The following KLHL18 variants were observed in gnomAD, a reference collection of about 807,000 sequenced individuals.
KLHL18 encodes kelch-like protein 18.
Under a neutral mutation model 58.5 loss-of-function variants are expected in KLHL18, and 38 were observed. The observed-to-expected ratio is 0.65, with a 90% CI of 0.50 to 0.85. KLHL18 has a LOEUF of 0.85. Among genes scored for constraint, KLHL18 ranks in the 40% least tolerant of loss-of-function variants. KLHL18 has a pLI of 0.00. For synonymous variants in KLHL18, 303 were observed against 301.9 expected (o/e 1.00, Z -0.04); for missense variants, 624 against 778.4 (o/e 0.80, Z 2.36).
At chr3:47,328,129 C>T (rs1703768234) in intron 3 of KLHL18, among the ~76,000 whole-genome samples, 1 of 152,044 alleles carries the variant, frequency 6.6e-6, no homozygotes, top group Admixed American at 6.5e-5. Context: ...CTTTGGGAGG[C>T]CAAGGCAGGA....
At chr3:47,326,290 G>A (rs1703719719) in intron 3 of KLHL18, among the ~76,000 whole-genome samples, 1 of 152,122 alleles carries the variant, frequency 6.6e-6, no homozygotes, top group Admixed American at 6.5e-5. Flanking sequence ...AGGTAGATTG[G>A]TACACCAAAT....
intron 1 of KLHL18, among the ~76,000 whole-genome samples, chr3:47,312,244 T>G (rs1047828857): frequency 6.6e-6 from 1 of 151,818 alleles, no homozygotes; most frequent in Non-Finnish European, 1.5e-5. Context: ...ATAGCTATTT[T>G]AGTGTAGAGT....
intron 1 of KLHL18, among the ~76,000 whole-genome samples, chr3:47,309,659 T>C (rs1576153843): frequency 6.6e-6 from 1 of 151,000 alleles, no homozygotes; most frequent in South Asian, 2.1e-4. Flanking sequence ...GGCTGGGAGG[T>C]GGAGGTTGTA....
In KLHL18 at chr3:47,340,557, CTCTG is replaced by C; in HGVS notation, c.1122-9_1122-6del. The C allele has an allele frequency of 6.2e-7, 1 of 1,613,914 alleles. No individual in the cohort carries two copies. The highest frequency in any genetic ancestry group is 8.5e-7 in the Non-Finnish European group (1 of 1,179,900). Reference sequence around the variant, plus strand: ...GGCTGCGGCTCATCTGGGATGACAGCTCTGTCTGTTTCAGTGCCATGGGGACAGT... The same window carrying C: ...GGCTGCGGCTCATCTGGGATGACAGCTCTGTTTCAGTGCCATGGGGACAGT... On this transcript the variant is annotated splice_polypyrimidine_tract_variant and intron_variant, in intron 7 of 9. Coordinates refer to ENST00000232766, the MANE Select transcript of KLHL18 (RefSeq NM_025010.5).
At chr3:47,297,777 C>T (rs909464190) in intron 1 of KLHL18, 6 of 385,490 alleles carry the variant, frequency 1.6e-5, no homozygotes, top group Admixed American at 9.5e-5. Flanking sequence ...GTATGAGGCA[C>T]TGTGTTAAGT....
intron 1 of KLHL18, among the ~76,000 whole-genome samples, chr3:47,293,240 C>G (rs1275517646): frequency 3.3e-5 from 5 of 152,168 alleles, no homozygotes; most frequent in Admixed American, 2.0e-4. Flanking sequence ...TGCCACAGAA[C>G]TGTACACTTG....
At chr3:47,316,512 C>T (rs62248941) in intron 1 of KLHL18, among the ~76,000 whole-genome samples, 1 of 3,560 alleles carries the variant, frequency 2.8e-4, no homozygotes, top group African/African-American at 3.1e-4. Flanking sequence ...TATATATATA[C>T]ATATATACAT....
chr3:47,309,070 A>G (rs1035956690), intron 1 of KLHL18, among the ~76,000 whole-genome samples: 3 of 152,210 alleles, frequency 2.0e-5, no homozygotes, highest in African/African-American at 7.2e-5. Context: ...CATATTTCAG[A>G]GAGCACCGGG....
intron 1 of KLHL18, among the ~76,000 whole-genome samples, chr3:47,308,006 A>G (rs1703189455): frequency 6.6e-6 from 1 of 151,488 alleles, no homozygotes; most frequent in South Asian, 2.1e-4. Flanking sequence ...TTTGGGGGGG[A>G]TTAATTTATC....
In KLHL18 at chr3:47,283,912, A is replaced by G. The variant is rs1226670583; in HGVS notation, c.129+818A>G. 3.3e-5 allele frequency among the ~76,000 whole-genome samples: 5 copies of G among 152,326 alleles called. No individual in the cohort carries two copies. The East Asian group carries it at 9.6e-4, about 29-fold the overall frequency. ...GGGCTCCCTGTTGGGCTTTAGCTGG[A>G]AAGCTCTCAGCATCTGTGCGTGATC... On this transcript the variant is annotated intron_variant, in intron 1 of 9. Transcript: ENST00000232766.
At chr3:47,340,460 T>G in intron 7 of KLHL18, 112 bp from the exon 8 acceptor site, 2 of 1,516,718 alleles carry the variant, frequency 1.3e-6, no homozygotes, top group Admixed American at 3.5e-5. Flanking sequence ...GTCACATACC[T>G]TAGATTTACG....
At position 47,308,670 on chromosome 3, in the gene KLHL18, C is replaced by T. The variant is rs904029471; in HGVS notation, c.130-10983C>T. ...CCTCGCAAAGTGCTGGGATTATAGG[C>T]GTAAGCCACTGTGCCCGGCCAATAT... is the stretch of plus-strand genomic sequence containing the variant. On this transcript the variant is annotated intron_variant, in intron 1 of 9. Coordinates refer to ENST00000232766, the MANE Select transcript of KLHL18 (RefSeq NM_025010.5). Among the ~76,000 whole-genome samples the T allele has an allele frequency of 3.9e-5, 6 of 152,302 alleles. No individual in the cohort carries two copies. The South Asian group carries it at 6.2e-4, about 16-fold the overall frequency.
At chr3:47,291,804 AT>A (rs976771633) in intron 1 of KLHL18, among the ~76,000 whole-genome samples, 22 of 152,256 alleles carry the variant, frequency 1.4e-4, no homozygotes, top group Admixed American at 3.3e-4. Flanking sequence ...AGTGAAAAAA[AT>A]TTTCCCAGCT....
intron 3 of KLHL18, among the ~76,000 whole-genome samples, chr3:47,324,377 T>C (rs200062243): frequency 7.1e-6 from 1 of 141,404 alleles, no homozygotes; most frequent in Non-Finnish European, 1.5e-5. Context: ...ACTGCTGAAA[T>C]GACTCTGTGG....
intron 2 of KLHL18, among the ~76,000 whole-genome samples, chr3:47,322,070 T>G (rs1703602744): frequency 6.6e-6 from 1 of 152,164 alleles, no homozygotes; most frequent in African/African-American, 2.4e-5. Context: ...AGAAATCTCA[T>G]TCTAGAAATT....
chr3:47,343,730 G>A lies in KLHL18; in HGVS notation c.1514G>A (p.Cys505Tyr), dbSNP rs1704164011. The change falls in exon 10 of 10, where the codon TGC (cysteine) becomes TAC (tyrosine). Residue 505 changes from cysteine to tyrosine, a missense_variant. By Grantham distance (194) the Cys-to-Tyr change is radical. Transcript: ENST00000232766. The part of the protein sequence containing the change: ...EMYSSVADQW[C>Y]LIVPMHTRRS... ...TACAGCTCTGTGGCAGACCAGTGGT[G>A]CCTGATTGTCCCCATGCACACGCGC... The A allele has an allele frequency of 3.7e-6, 6 of 1,614,196 alleles. No individual in the cohort carries two copies. In the East Asian group the frequency reaches 1.3e-4, roughly 36 times the overall value.
chr3:47,333,374 G>A, intron 5 of KLHL18, 57 bp downstream of exon 5: 2 of 1,523,498 alleles, frequency 1.3e-6, no homozygotes, highest in Non-Finnish European at 8.9e-7. Context: ...GGGAAGAGGA[G>A]TTGGCCACCT....
chr3:47,309,202 C>CT (rs1287697890), intron 1 of KLHL18, among the ~76,000 whole-genome samples: 1 of 152,218 alleles, frequency 6.6e-6, no homozygotes, highest in Non-Finnish European at 1.5e-5. Context: ...TCTGATTTCT[C>CT]TATCTTTTCC....
intron 1 of KLHL18, among the ~76,000 whole-genome samples, chr3:47,301,461 C>T (rs1703023873): frequency 6.6e-6 from 1 of 151,920 alleles, no homozygotes; most frequent in African/African-American, 2.4e-5. Flanking sequence ...TGTTCCAGCC[C>T]CATTGATAGT....
Sources: allele counts gnomAD v4.1 joint callset (sites outside exome capture counted in the v4.1 genomes callset), GRCh38; gene constraint gnomAD v4.1.1; transcripts MANE v1.5; gene names NCBI Gene and HGNC (gene_info 2026-07-23, HGNC 2026-07-21).